SLFN13: variants seen among roughly 807,000 people sequenced by gnomAD.
SLFN13 encodes schlafen family member 13.
In SLFN13, 43 loss-of-function variants were observed where a neutral mutation model predicts 50.6. That is an observed-to-expected ratio of 0.85 (90% CI 0.67 to 1.09). The LOEUF is 1.09. Ranked by LOEUF, SLFN13 falls within the 50% of genes least tolerant of loss-of-function variation. The pLI is 0.00. For missense variants in SLFN13, 881 were observed against 1,071.1 expected, an observed-to-expected ratio of 0.82 and a Z score of 2.48; for synonymous variants, 339 against 386.5, an observed-to-expected ratio of 0.88 and a Z score of 1.44.
In SLFN13 at chr17:35,437,050, C is replaced by T. The variant is rs1297315811; in HGVS notation, c.*3545G>A. The T allele has an allele frequency of 2.6e-5, 4 of 152,006 alleles. No individual in the cohort carries two copies. The highest frequency in any genetic ancestry group is 4.4e-5 in the Non-Finnish European group (3 of 67,994). 9.4% of individuals were successfully genotyped at this position (152,006 alleles called of 1,614,324 possible). On this transcript the variant is annotated 3_prime_UTR_variant, in exon 6 of 6. Coordinates refer to ENST00000285013, the MANE Select transcript of SLFN13 (RefSeq NM_144682.6). ...TTTAGTGGTAAATGGGAACCCTGTCCGCTACTTACTTTTGAATCTCAGGAA... is the reference window on the plus strand; with the variant it reads ...TTTAGTGGTAAATGGGAACCCTGTCTGCTACTTACTTTTGAATCTCAGGAA...
chr17:35,442,401 G>T, intron 4 of SLFN13, 115 bp from the exon 5 acceptor site: 9 of 1,241,142 alleles, frequency 7.3e-6, no homozygotes, highest in Non-Finnish European at 9.8e-6. Context: ...CAATTTAACA[G>T]AAATTCCTTC....
rs754906042 is a variant in SLFN13, at chr17:35,445,201, C to T, written c.480G>A (p.Gln160=). Residue 160 remains glutamine (Q), a synonymous_variant, in exon 3 of 6, where the codon CAG becomes CAA. Transcript: ENST00000285013. ...AFDFLKTKER[Q]SKYNLINEGS... ...CTTCATTAATCAGATTATATTTGGA[C>T]TGTCTTTCCTTGGTCTTCAGGAAAT... 1 of 1,613,742 alleles carries T rather than the reference C, an allele frequency of 6.2e-7. No individual in the cohort carries two copies. Among genetic ancestry groups the T allele is most frequent in the South Asian group, 1.1e-5 (1 of 91,080 alleles).
Position 35,440,320 on chromosome 17 carries a change from T to C in SLFN13, c.*275A>G. ...GAGAGCAAGACACAGGTCTGCATTG[T>C]GCAGCACAGCTAAAGTTCCTTTAGA... On this transcript the variant is annotated 3_prime_UTR_variant, in exon 6 of 6. Transcript: ENST00000285013. 1 of 514,758 alleles carries C rather than the reference T, an allele frequency of 1.9e-6. No homozygotes were observed. Among genetic ancestry groups the C allele is most frequent in the Non-Finnish European group, 3.5e-6 (1 of 287,094 alleles). 31.9% of individuals were successfully genotyped at this position (514,758 alleles called of 1,614,324 possible). A position where few individuals can be genotyped will look rare whatever the true frequency, so the allele number is the denominator to read the frequency against.
intron 1 of SLFN13, chr17:35,448,263 G>C (rs1440347562): frequency 6.6e-6 from 1 of 152,174 alleles, no homozygotes; most frequent in Non-Finnish European, 1.5e-5. Context: ...CCTGAAACAA[G>C]AGTCCCAACC....
rs774863184 is a variant in SLFN13 at position 35,441,934 on chromosome 17, C to G, written c.1551G>C (p.Leu517=). The change falls in exon 5 of 6, where the codon CTG becomes CTC. Residue 517 remains leucine (L), a synonymous_variant. Transcript: ENST00000285013. ...KVCVRAKVLC[L]SPESSAEALE... is the part of the protein sequence containing the mutation. Reference sequence around the variant, plus strand: ...AGGCCTCTGCGCTGCTCTCAGGACTCAGGCAGAGGACCTTGGCCCTGACAC... The same window carrying G: ...AGGCCTCTGCGCTGCTCTCAGGACTGAGGCAGAGGACCTTGGCCCTGACAC... 10 of 1,613,382 alleles carry G rather than the reference C, an allele frequency of 6.2e-6. No homozygotes were observed. The East Asian group carries it at 2.0e-4, about 32-fold the overall frequency.
rs1277765283 is a variant in SLFN13, at chr17:35,440,801, T to C, written c.2488A>G (p.Met830Val). Reference protein sequence around the residue: ...EQYQSKLLKAMRKKMVVQLSD... With the variant: ...EQYQSKLLKAVRKKMVVQLSD... The stretch of plus-strand genomic sequence containing the variant: ...AGCTGCACCACCATTTTCTTCCTCA[T>C]TGCTTTCAAGAGCTTAGACTGATAC... The change falls in exon 6 of 6, where the codon ATG (methionine) becomes GTG (valine). Residue 830 changes from methionine (M) to valine (V), a missense_variant. By Grantham distance (21) the Met-to-Val change is conservative. Coordinates refer to ENST00000285013, the MANE Select transcript of SLFN13 (RefSeq NM_144682.6). 1.9e-6 allele frequency: 3 copies of C among 1,613,996 alleles called. No individual in the cohort carries two copies. The highest frequency in any genetic ancestry group is 2.5e-6 in the Non-Finnish European group (3 of 1,180,022).
chr17:35,448,125 T>A (rs1373772258), intron 1 of SLFN13: 1 of 151,962 alleles, frequency 6.6e-6, no homozygotes, highest in Non-Finnish European at 1.5e-5. Flanking sequence ...GCTCAAGTAA[T>A]CCTCCCACTT....
Position 35,436,226 on chromosome 17 carries a change from C to T in SLFN13, c.*4369G>A, listed in dbSNP as rs1912641946. On this transcript the variant is annotated 3_prime_UTR_variant, in exon 6 of 6. Coordinates refer to ENST00000285013, the MANE Select transcript of SLFN13 (RefSeq NM_144682.6). Reference sequence around the variant, plus strand: ...TCTCTAGGACTGAAATTCTCTCCTCCTTAAACTTGCTTGTTAGAACCTGCT... The same window carrying T: ...TCTCTAGGACTGAAATTCTCTCCTCTTTAAACTTGCTTGTTAGAACCTGCT... The T allele has an allele frequency of 6.6e-6, 1 of 151,634 alleles. No homozygotes were observed. The highest frequency in any genetic ancestry group is 1.5e-5 in the Non-Finnish European group (1 of 67,922). The allele number at this position is 151,634 out of a possible 1,614,324, so 9.4% of individuals were successfully genotyped here.
Position 35,445,263 on chromosome 17 carries a change from T to C in SLFN13, c.418A>G (p.Thr140Ala). 1 of 1,613,970 alleles carries C rather than the reference T, an allele frequency of 6.2e-7. No homozygotes were observed. The highest frequency in any genetic ancestry group is 1.1e-5 in the South Asian group (1 of 91,088). ...LSSSLYCRSG[T>A]SVLHMNSRQA... is the part of the protein sequence containing the mutation. Reference sequence around the variant, plus strand: ...CTTGAATTCATGTGAAGCACAGAGGTGCCAGATCTACAGTATAATGAAGAA... The same window carrying C: ...CTTGAATTCATGTGAAGCACAGAGGCGCCAGATCTACAGTATAATGAAGAA... Residue 140 changes from threonine to alanine, a missense_variant, in exon 3 of 6, where the codon ACC becomes GCC. Physicochemically the swap from Thr to Ala is moderately conservative, Grantham distance 58. Coordinates refer to ENST00000285013, the MANE Select transcript of SLFN13 (RefSeq NM_144682.6).
chr17:35,445,702 A>AT lies in SLFN13; in HGVS notation c.-13-10dup. 6.5e-7 allele frequency: 1 copy of AT among 1,537,962 alleles called. No individual in the cohort carries two copies. The highest frequency in any genetic ancestry group is 8.7e-7 in the Non-Finnish European group (1 of 1,143,694). Reference sequence around the variant, plus strand: ...CCATGTTGAACTTGCACCTTAAAGTATTAGAATATTTGTTTCATTTTTGAT... The same window carrying AT: ...CCATGTTGAACTTGCACCTTAAAGTATTTAGAATATTTGTTTCATTTTTGAT... On this transcript the variant is annotated splice_polypyrimidine_tract_variant and intron_variant, in intron 2 of 5. Coordinates refer to ENST00000285013, the MANE Select transcript of SLFN13 (RefSeq NM_144682.6).
chr17:35,440,592 A>G lies in SLFN13; in HGVS notation c.*3T>C. Reference sequence around the variant, plus strand: ...TGGTTTGGAGTTCTTCCTAATAGTCACTTCACAGAAAAATATATAGGTGCT... The same window carrying G: ...TGGTTTGGAGTTCTTCCTAATAGTCGCTTCACAGAAAAATATATAGGTGCT... On this transcript the variant is annotated 3_prime_UTR_variant, in exon 6 of 6. Coordinates refer to ENST00000285013, the MANE Select transcript of SLFN13 (RefSeq NM_144682.6). The G allele has an allele frequency of 6.2e-7, 1 of 1,613,738 alleles. No individual in the cohort carries two copies. The highest frequency in any genetic ancestry group is 2.2e-5 in the East Asian group (1 of 44,886).
chr17:35,443,995 G>T, intron 3 of SLFN13, 75 bp from the exon 4 acceptor site: 2 of 1,448,270 alleles, frequency 1.4e-6, no homozygotes, highest in Non-Finnish European at 9.3e-7. Flanking sequence ...ACAAGGCTGT[G>T]TCTAAATTTC....
rs1348435168 is a variant in SLFN13, at chr17:35,440,858, C to T, written c.2431G>A (p.Val811Met). The T allele has an allele frequency of 6.2e-7, 1 of 1,614,062 alleles. No individual in the cohort carries two copies. Among genetic ancestry groups the T allele is most frequent in the African/African-American group, 1.3e-5 (1 of 74,946 alleles). ...ERGYSPKDVA[V>M]LVSTVTEVEQ... ...ACTTCTGTCACGGTGCTGACAAGCA[C>T]AGCAACATCCTTTGGAGAATAGCCC... The change falls in exon 6 of 6, where the codon GTG becomes ATG. Residue 811 changes from valine (V) to methionine (M), a missense_variant. Around this residue, in one of 5 missense-constraint regions of SLFN13, gnomAD observed 322 missense variants for 327.4 expected, o/e 0.98. Transcript: ENST00000285013.
chr17:35,440,416 T>C lies in SLFN13; in HGVS notation c.*179A>G. The C allele has an allele frequency of 1.4e-6, 1 of 710,206 alleles. No individual in the cohort carries two copies. Among genetic ancestry groups the C allele is most frequent in the Non-Finnish European group, 2.3e-6 (1 of 434,000 alleles). 44.0% of individuals were successfully genotyped at this position (710,206 alleles called of 1,614,324 possible). On this transcript the variant is annotated 3_prime_UTR_variant, in exon 6 of 6. Coordinates refer to ENST00000285013, the MANE Select transcript of SLFN13 (RefSeq NM_144682.6). ...GGCAGCCACCACTGCTGAAAAGAGT[T>C]GGGGGAGGAACCCCTGAAAGGAGAG... is the stretch of plus-strand genomic sequence containing the variant.
At position 35,441,616 on chromosome 17, in the gene SLFN13, C is replaced by T. The variant is rs1311867150; in HGVS notation, c.1869G>A (p.Glu623=). Reference sequence around the variant, plus strand: ...CACAAACGTAGAGAATTCTGTGTGCCTCACAGTGAAACACATTCCTGATCT... The same window carrying T: ...CACAAACGTAGAGAATTCTGTGTGCTTCACAGTGAAACACATTCCTGATCT... The part of the protein sequence containing the change: ...MEKIRNVFHC[E]AHRILYVCEN... Residue 623 remains glutamate, a synonymous_variant, in exon 5 of 6, where the codon GAG becomes GAA. Transcript: ENST00000285013. 1 of 1,592,358 alleles carries T rather than the reference C, an allele frequency of 6.3e-7. No individual in the cohort carries two copies. Among genetic ancestry groups the T allele is most frequent in the Non-Finnish European group, 8.5e-7 (1 of 1,171,860 alleles).
chr17:35,438,287 C>T lies in SLFN13; in HGVS notation c.*2308G>A, dbSNP rs1431428885. The T allele has an allele frequency of 1.3e-5, 2 of 151,332 alleles. No homozygotes were observed. The highest frequency in any genetic ancestry group is 1.3e-4 in the Admixed American group (2 of 15,200). The allele number at this position is 151,332 out of a possible 1,614,324, so 9.4% of individuals were successfully genotyped here. ...CAAACTCTCAATTTTTTATTTAAAA[C>T]AGAAATGCAATAAATATATAAGCTA... On this transcript the variant is annotated 3_prime_UTR_variant, in exon 6 of 6. Coordinates refer to ENST00000285013, the MANE Select transcript of SLFN13 (RefSeq NM_144682.6).
rs1913120749 is a variant in SLFN13, at chr17:35,444,964, G to A, written c.717C>T (p.Asn239=). ...CAATAAAAAGATAGCCTCCCTCAGT[G>A]TTTGCAAATGCAGAGATGTACTCTG... ...IIPEYISAFA[N]TEGGYLFIGV... The change falls in exon 3 of 6, where the codon AAC becomes AAT. Residue 239 remains asparagine, a synonymous_variant. Transcript: ENST00000285013. 1.2e-6 allele frequency: 2 copies of A among 1,613,998 alleles called. No homozygotes were observed. Among genetic ancestry groups the A allele is most frequent in the Admixed American group, 1.7e-5 (1 of 60,008 alleles).
intron 2 of SLFN13, 96 bp from the exon 3 acceptor site, chr17:35,445,789 G>C: frequency 9.7e-7 from 1 of 1,032,340 alleles, no homozygotes; most frequent in Non-Finnish European, 1.4e-6. Flanking sequence ...TGTCTAATAT[G>C]TGCTGGGATA....
In SLFN13 at chr17:35,441,310, T is replaced by C; in HGVS notation, c.1979A>G (p.Glu660Gly). 1.9e-6 allele frequency: 3 copies of C among 1,612,792 alleles called. No individual in the cohort carries two copies. Among genetic ancestry groups the C allele is most frequent in the Non-Finnish European group, 2.5e-6 (3 of 1,179,646 alleles). Reference protein sequence around the residue: ...TRETFLREKFEHIQHIVIDEA... With the variant: ...TRETFLREKFGHIQHIVIDEA... ...GTCAATGACGATGTGTTGAATGTGT[T>C]CAAATTTTTCTCTTAGGAAAGTTTC... Residue 660 changes from glutamate to glycine, a missense_variant, in exon 6 of 6, where the codon GAA (glutamate) becomes GGA (glycine). This residue lies in a region of SLFN13 where 322 missense variants were observed against 327.4 expected (regional missense o/e 0.98). Transcript: ENST00000285013.
Sources: allele counts gnomAD v4.1 joint callset, GRCh38; gene constraint gnomAD v4.1.1; regional missense constraint gnomAD v4.1.1; transcripts MANE v1.5; gene names NCBI Gene and HGNC (gene_info 2026-07-23, HGNC 2026-07-21).